ATF7IP: variants seen among roughly 807,000 people sequenced by gnomAD.
ATF7IP encodes the protein activating transcription factor 7-interacting protein 1.
In ATF7IP, 23 loss-of-function variants were observed where a neutral mutation model predicts 106.4. The ratio of observed to expected loss-of-function variants is 0.22; its 90% CI spans 0.16 to 0.31. The LOEUF is 0.31. Among genes scored for constraint, ATF7IP ranks in the 10% least tolerant of loss-of-function variants. The pLI is 1.00. For missense variants in ATF7IP, 1,334 were observed against 1,524.3 expected, an observed-to-expected ratio of 0.88 and a Z score of 2.08; for synonymous variants, 542 against 539.0, an observed-to-expected ratio of 1.01 and a Z score of -0.08.
At chr12:14,367,408 G>GA (rs1262659192) in intron 1 of ATF7IP, 1 of 151,912 alleles carries the variant, frequency 6.6e-6, no homozygotes, top group African/African-American at 2.4e-5. Flanking sequence ...TGTAATTCTT[G>GA]GATCTCTGAG....
At chr12:14,494,671 G>A (rs1298305785) in intron 13 of ATF7IP, among the ~76,000 whole-genome samples, 1 of 150,864 alleles carries the variant, frequency 6.6e-6, no homozygotes, top group Non-Finnish European at 1.5e-5. Flanking sequence ...GGTAGCTCAC[G>A]CCTGTAATCC....
At chr12:14,418,887 A>G (rs1386044881) in intron 1 of ATF7IP, among the ~76,000 whole-genome samples, 1 of 152,108 alleles carries the variant, frequency 6.6e-6, no homozygotes, top group Admixed American at 6.6e-5. Flanking sequence ...CTTGAATTAT[A>G]TATTTTTATT....
At chr12:14,422,503 C>T (rs1941589187) in intron 1 of ATF7IP, among the ~76,000 whole-genome samples, 1 of 152,162 alleles carries the variant, frequency 6.6e-6, no homozygotes. Context: ...AATGTTAGAA[C>T]ATTTTCATAA....
intron 1 of ATF7IP, among the ~76,000 whole-genome samples, chr12:14,380,448 C>G (rs1938955816): frequency 6.6e-6 from 1 of 152,056 alleles, no homozygotes; most frequent in Admixed American, 6.6e-5. Context: ...CTCCAGAGAC[C>G]TTAGGTCTTA....
intron 6 of ATF7IP, among the ~76,000 whole-genome samples, chr12:14,448,291 G>A (rs554083305): frequency 6.6e-6 from 1 of 152,140 alleles, no homozygotes; most frequent in African/African-American, 2.4e-5. Flanking sequence ...TCTTATCGCT[G>A]TAGTACAGTA....
At chr12:14,469,025 C>G (rs1943938577) in intron 10 of ATF7IP, among the ~76,000 whole-genome samples, 1 of 152,108 alleles carries the variant, frequency 6.6e-6, no homozygotes, top group Non-Finnish European at 1.5e-5. Flanking sequence ...CTGTCCCAAG[C>G]CTACTTAGTT....
chr12:14,484,720 C>G (rs2098546), intron 13 of ATF7IP, among the ~76,000 whole-genome samples: 152,211 of 152,286 alleles, frequency 1, 76,068 homozygotes, highest in Non-Finnish European at 1. Flanking sequence ...GAGAACGCAG[C>G]GTGACAGGAG....
chr12:14,369,180 A>C (rs1364700625), intron 1 of ATF7IP: 1 of 149,996 alleles, frequency 6.7e-6, no homozygotes, highest in Non-Finnish European at 1.5e-5. Context: ...CTTGAACTCC[A>C]GGGGTCAAGA....
intron 13 of ATF7IP, among the ~76,000 whole-genome samples, chr12:14,495,307 A>G (rs1944980612): frequency 1.3e-5 from 2 of 152,210 alleles, no homozygotes; most frequent in Admixed American, 6.5e-5. Context: ...ACCATCACAC[A>G]TATGTTGTAG....
intron 6 of ATF7IP, among the ~76,000 whole-genome samples, chr12:14,453,327 C>A (rs1014546575): frequency 6.6e-6 from 1 of 152,104 alleles, no homozygotes; most frequent in Non-Finnish European, 1.5e-5. Context: ...TATTGGTCTG[C>A]CTGTTGGTGT....
chr12:14,469,538 AT>A (rs1943960523), intron 10 of ATF7IP, among the ~76,000 whole-genome samples: 1 of 151,422 alleles, frequency 6.6e-6, no homozygotes, highest in African/African-American at 2.4e-5. Context: ...ATTATTGTAT[AT>A]TTTATTACTA....
intron 5 of ATF7IP, among the ~76,000 whole-genome samples, chr12:14,438,563 T>A (rs959032787): frequency 6.6e-6 from 1 of 152,214 alleles, no homozygotes; most frequent in Non-Finnish European, 1.5e-5. Context: ...TCTATGCCTT[T>A]ACTGTAGCTT....
At chr12:14,395,595 G>A (rs907329780) in intron 1 of ATF7IP, among the ~76,000 whole-genome samples, 2 of 151,894 alleles carry the variant, frequency 1.3e-5, no homozygotes, top group African/African-American at 4.8e-5. Context: ...ATTCTCACTT[G>A]TAGTGACACC....
intron 1 of ATF7IP, among the ~76,000 whole-genome samples, chr12:14,400,139 G>A (rs767004948): frequency 3.3e-5 from 5 of 152,168 alleles, no homozygotes; most frequent in Admixed American, 6.5e-5. Context: ...TCACACTGGC[G>A]TATCAGGTCT....
At chr12:14,466,051 A>G (rs1943819761) in intron 9 of ATF7IP, 1 of 152,840 alleles carries the variant, frequency 6.5e-6, no homozygotes, top group African/African-American at 2.4e-5. Context: ...TTAGTTGAAA[A>G]ATGAACAAAG....
chr12:14,477,922 G>A (rs7358578), intron 11 of ATF7IP, among the ~76,000 whole-genome samples: 72,139 of 151,974 alleles, frequency 0.47, 17,739 homozygotes, highest in East Asian at 0.6. Flanking sequence ...CTAAATAATT[G>A]TAGTAATTGA....
At chr12:14,405,262 A>G (rs901192965) in intron 1 of ATF7IP, among the ~76,000 whole-genome samples, 3 of 152,132 alleles carry the variant, frequency 2.0e-5, no homozygotes, top group Admixed American at 6.5e-5. Context: ...AAAATTTGTG[A>G]TAAAAAATAA....
chr12:14,377,184 G>A (rs1244752999), intron 1 of ATF7IP, among the ~76,000 whole-genome samples: 2 of 151,684 alleles, frequency 1.3e-5, no homozygotes, highest in African/African-American at 2.4e-5. Flanking sequence ...TAGTAGAGAC[G>A]GGGTTTCACC....
chr12:14,395,410 A>G (rs1225599171), intron 1 of ATF7IP, among the ~76,000 whole-genome samples: 1 of 152,206 alleles, frequency 6.6e-6, no homozygotes, highest in African/African-American at 2.4e-5. Context: ...TTTGAATGCC[A>G]CATTTGGATT....
Sources: gnomAD v4.1 joint callset for allele counts (sites outside exome capture counted in the v4.1 genomes callset) on GRCh38, gnomAD v4.1.1 for gene constraint, MANE v1.5 for transcripts, NCBI Gene and HGNC (gene_info 2026-07-23, HGNC 2026-07-21) for gene names.